Variants in TAF4B observed in about 807,000 individuals in gnomAD.
TAF4B encodes transcription initiation factor TFIID subunit 4B.
Under a neutral mutation model 86.4 loss-of-function variants are expected in TAF4B, and 38 were observed. The ratio of observed to expected loss-of-function variants is 0.44; its 90% CI spans 0.34 to 0.58. TAF4B has a LOEUF of 0.58. Among genes scored for constraint, TAF4B ranks in the 20% least tolerant of loss-of-function variants. TAF4B has a pLI of 0.02. For missense variants in TAF4B, 988 were observed against 1,027.6 expected, an observed-to-expected ratio of 0.96 and a Z score of 0.53; for synonymous variants, 388 against 391.2, an observed-to-expected ratio of 0.99 and a Z score of 0.10.
intron 14 of TAF4B, among the ~76,000 whole-genome samples, chr18:26,362,036 C>G (rs1216726537): frequency 2.6e-5 from 4 of 152,152 alleles, no homozygotes; most frequent in Middle Eastern, 3.4e-3. Flanking sequence ...TGTCTAAGTT[C>G]CTGACTTTTC....
rs138242428 is a variant in TAF4B at position 26,300,466 on chromosome 18, G to GT, written c.1832+6951dup. Among the ~76,000 whole-genome samples the GT allele has an allele frequency of 3.2e-3, 382 of 119,288 alleles. 1 individual carries two copies. The highest frequency in any genetic ancestry group is 7.1e-3 in the African/African-American group (238 of 33,586). The allele number at this position is 119,288 out of a possible 152,430, so 78.3% of individuals were successfully genotyped here. ...TAGCACCCAACTGATTATAGGGTGTGTTTTTTTTTTTTTTTTGCCTTTCCA... is the reference window on the plus strand; with the variant it reads ...TAGCACCCAACTGATTATAGGGTGTGTTTTTTTTTTTTTTTTTGCCTTTCCA... On this transcript the variant is annotated intron_variant, in intron 9 of 14. Coordinates refer to ENST00000269142, the MANE Select transcript of TAF4B (RefSeq NM_005640.3).
intron 14 of TAF4B, among the ~76,000 whole-genome samples, chr18:26,361,935 C>T (rs2057335811): frequency 6.6e-6 from 1 of 151,830 alleles, no homozygotes; most frequent in South Asian, 2.1e-4. Flanking sequence ...TAAGTATATT[C>T]CTATAAATAT....
chr18:26,373,395 C>A (rs2057419913), intron 14 of TAF4B, among the ~76,000 whole-genome samples: 1 of 152,102 alleles, frequency 6.6e-6, no homozygotes. Context: ...GTCACTCATA[C>A]CTTTTGATTC....
intron 1 of TAF4B, among the ~76,000 whole-genome samples, chr18:26,242,789 A>G (rs558693124): frequency 6.6e-6 from 1 of 152,216 alleles, no homozygotes; most frequent in Non-Finnish European, 1.5e-5. Context: ...GGTGGTGACA[A>G]AATCTCTCAG....
Position 26,244,668 on chromosome 18 carries a change from T to C in TAF4B, c.343+17392T>C, listed in dbSNP as rs1271587059. On this transcript the variant is annotated intron_variant, in intron 1 of 14. Transcript: ENST00000269142. ...TCTGTGTCACTTATGCTGGGAGCTG[T>C]AGACTGGAGCTGTTCCTATTCGGCC... Among the ~76,000 whole-genome samples the C allele has an allele frequency of 6.6e-5, 10 of 152,198 alleles. 1 individual carries two copies. The highest frequency in any genetic ancestry group is 2.4e-4 in the African/African-American group (10 of 41,450).
Position 26,267,530 on chromosome 18 carries a change from A to G in TAF4B, c.504A>G (p.Gln168=), listed in dbSNP as rs762022824. Residue 168 remains glutamine (Q), a synonymous_variant, in exon 3 of 15, where the codon CAA becomes CAG. Coordinates refer to ENST00000269142, the MANE Select transcript of TAF4B (RefSeq NM_005640.3). The stretch of plus-strand genomic sequence containing the variant: ...CCACCGCCAAGAACTCTAGCTCACA[A>G]TTAATCAAGAAAGTGGCAGTGACAC... ...KICTVPNSSS[Q]LIKKVAVTPV... is the part of the protein sequence containing the mutation. 7.4e-6 allele frequency: 12 copies of G among 1,613,920 alleles called. No homozygotes were observed. The highest frequency in any genetic ancestry group is 1.6e-4 in the Middle Eastern group (1 of 6,084).
chr18:26,386,111 G>A (rs1183113546), intron 14 of TAF4B, among the ~76,000 whole-genome samples: 1 of 152,140 alleles, frequency 6.6e-6, no homozygotes, highest in Non-Finnish European at 1.5e-5. Context: ...CATTTCTGTT[G>A]GGTTACTGAA....
At chr18:26,376,207 T>G (rs900836747) in intron 14 of TAF4B, among the ~76,000 whole-genome samples, 2 of 148,672 alleles carry the variant, frequency 1.3e-5, no homozygotes, top group African/African-American at 5.0e-5. Context: ...TATTTTAGGA[T>G]CAGCTTGTTA....
chr18:26,343,880 C>CA (rs1170516485), intron 13 of TAF4B, among the ~76,000 whole-genome samples: 2 of 152,112 alleles, frequency 1.3e-5, no homozygotes, highest in Non-Finnish European at 2.9e-5. Context: ...GGATACAATA[C>CA]AAAATCACTT....
chr18:26,315,132 C>CTCTCTG, intron 9 of TAF4B, 97 bp from the exon 10 acceptor site: 2 of 322,140 alleles, frequency 6.2e-6, no homozygotes, highest in African/African-American at 4.1e-5. Context: ...CTCTCTCTCT[C>CTCTCTG]TCTCTCTCTC....
intron 8 of TAF4B, 81 bp downstream of exon 8, chr18:26,292,462 A>G: frequency 7.0e-7 from 1 of 1,434,500 alleles, no homozygotes; most frequent in Non-Finnish European, 9.4e-7. Context: ...TTGCTGTGTT[A>G]AGAGAAGAGA....
chr18:26,303,552 C>T (rs1411048181), intron 9 of TAF4B, among the ~76,000 whole-genome samples: 1 of 107,316 alleles, frequency 9.3e-6, no homozygotes, highest in East Asian at 3.2e-4. Context: ...CACTTTCATC[C>T]TCCCTCCACT....
In TAF4B at chr18:26,227,227, C is replaced by T. The variant is rs746921063; in HGVS notation, c.294C>T (p.Ala98=). 9.3e-6 allele frequency: 15 copies of T among 1,613,672 alleles called. No homozygotes were observed. The highest frequency in any genetic ancestry group is 1.6e-4 in the Middle Eastern group (1 of 6,080). The change falls in exon 1 of 15, where the codon GCC becomes GCT. Residue 98 remains alanine, a synonymous_variant. Transcript: ENST00000269142. ...CTCCTCAGATAGTCGCCGTGAAAGC[C>T]CCCAACACCACGACAATCCAGTTTC... The part of the protein sequence containing the change: ...LPAPQIVAVK[A]PNTTTIQFPA...
Position 26,346,401 on chromosome 18 carries a change from G to A in TAF4B, c.2316+11170G>A, listed in dbSNP as rs78699888. Among the ~76,000 whole-genome samples, 823 of 145,076 alleles carry A rather than the reference G, an allele frequency of 5.7e-3. 7 individuals are homozygous for A. Among genetic ancestry groups the A allele is most frequent in the African/African-American group, 0.019 (745 of 38,886 alleles). On this transcript the variant is annotated intron_variant, in intron 13 of 14. Transcript: ENST00000269142. ...CAAATATTCACATTATGGGCATTCCGGAAGGAGAAAAGAAGTGAAAAGATG... is the reference window on the plus strand; with the variant it reads ...CAAATATTCACATTATGGGCATTCCAGAAGGAGAAAAGAAGTGAAAAGATG...
chr18:26,322,472 T>A (rs749325128), intron 11 of TAF4B, among the ~76,000 whole-genome samples: 3 of 152,106 alleles, frequency 2.0e-5, no homozygotes, highest in Non-Finnish European at 2.9e-5. Flanking sequence ...ATAAAGATAT[T>A]AATTTTGTGT....
intron 9 of TAF4B, among the ~76,000 whole-genome samples, chr18:26,309,119 A>G (rs1465411017): frequency 2.0e-5 from 3 of 151,860 alleles, no homozygotes; most frequent in African/African-American, 7.2e-5. Context: ...AATCCTTATA[A>G]TGAACATATT....
chr18:26,374,443 CCTGT>C (rs1315687123), intron 14 of TAF4B, among the ~76,000 whole-genome samples: 1 of 152,122 alleles, frequency 6.6e-6, no homozygotes, highest in African/African-American at 2.4e-5. Flanking sequence ...TAATGTTGTA[CCTGT>C]CTCTTTCTGC....
At chr18:26,277,854 G>A (rs1231300199) in intron 5 of TAF4B, among the ~76,000 whole-genome samples, 1 of 152,156 alleles carries the variant, frequency 6.6e-6, no homozygotes, top group East Asian at 1.9e-4. Flanking sequence ...AAAATAACAT[G>A]CTCATTAAAT....
intron 14 of TAF4B, among the ~76,000 whole-genome samples, chr18:26,372,810 A>C (rs1038676197): frequency 2.2e-5 from 3 of 138,878 alleles, no homozygotes; most frequent in African/African-American, 5.4e-5. Flanking sequence ...CTCTACTAAA[A>C]ATACAAAAAA....
Sources: gnomAD v4.1 joint callset for allele counts (sites outside exome capture counted in the v4.1 genomes callset) on GRCh38, gnomAD v4.1.1 for gene constraint, MANE v1.5 for transcripts, NCBI Gene and HGNC (gene_info 2026-07-23, HGNC 2026-07-21) for gene names.